Variants in TOMM70 observed in about 807,000 individuals in gnomAD.
TOMM70 encodes the protein translocase of outer mitochondrial membrane 70, also known as mitochondrial import receptor subunit TOM70.
A neutral mutation model predicts 73.6 loss-of-function variants in TOMM70; 13 were observed. The ratio of observed to expected loss-of-function variants is 0.18; its 90% CI spans 0.11 to 0.28. The LOEUF (loss-of-function observed/expected upper bound fraction) is 0.28, where lower values mean the gene tolerates loss of function less well. Among genes scored for constraint, TOMM70 ranks in the 10% least tolerant of loss-of-function variants. The pLI is 1.00. For synonymous variants in TOMM70, 257 were observed against 271.2 expected, an observed-to-expected ratio of 0.95 and a Z score of 0.51; for missense variants, 609 against 747.5, an observed-to-expected ratio of 0.81 and a Z score of 2.16.
Position 100,381,686 on chromosome 3 carries a change from C to A in TOMM70, c.813G>T (p.Gln271His), listed in dbSNP as rs1559832699. ...CAGATTTCTCTCCTTTAAGCATGGG[C>A]TGGGAAATGATATCATCCGTGAAAG... ...FSSFTDDIISQPMLKGEKSDE... is the reference protein window; with the variant it reads ...FSSFTDDIISHPMLKGEKSDE... Residue 271 changes from glutamine (Q) to histidine (H), a missense_variant, in exon 5 of 12, where the codon CAG becomes CAT. By Grantham distance (24) the Gln-to-His change is conservative. Around this residue, in one of 2 missense-constraint regions of TOMM70, gnomAD observed 432 missense variants for 584.1 expected, o/e 0.74. Coordinates refer to ENST00000284320, the MANE Select transcript of TOMM70 (RefSeq NM_014820.5). 6.2e-7 allele frequency: 1 copy of A among 1,612,730 alleles called. No homozygotes were observed. Among genetic ancestry groups the A allele is most frequent in the Admixed American group, 1.7e-5 (1 of 59,916 alleles).
chr3:100,400,956 T>C lies in TOMM70; in HGVS notation c.-7A>G, dbSNP rs1372285289. The C allele has an allele frequency of 4.6e-6, 7 of 1,528,080 alleles. No homozygotes were observed. The highest frequency in any genetic ancestry group is 6.1e-6 in the Non-Finnish European group (7 of 1,143,898). The allele number at this position is 1,528,080 out of a possible 1,614,324, so 94.7% of individuals were successfully genotyped here. A position where few individuals can be genotyped will look rare whatever the true frequency, so the allele number is the denominator to read the frequency against. ...CAGGTTTAGAGGCGGCCATGACAAGTGTCCTCTGCCACCGCCTCCCTGTCT... is the reference window on the plus strand; with the variant it reads ...CAGGTTTAGAGGCGGCCATGACAAGCGTCCTCTGCCACCGCCTCCCTGTCT... On this transcript the variant is annotated 5_prime_UTR_variant, in exon 1 of 12. Transcript: ENST00000284320.
At chr3:100,397,250 C>T (rs541030565) in intron 1 of TOMM70, among the ~76,000 whole-genome samples, 1 of 152,282 alleles carries the variant, frequency 6.6e-6, no homozygotes, top group South Asian at 2.1e-4. Flanking sequence ...ATTACAATTA[C>T]TGATCAATTA....
chr3:100,382,428 G>T (rs1487495538), intron 4 of TOMM70, among the ~76,000 whole-genome samples: 1 of 152,146 alleles, frequency 6.6e-6, no homozygotes, highest in Non-Finnish European at 1.5e-5. Flanking sequence ...ATAAAAGTGG[G>T]ATAGAAAGAG....
At chr3:100,370,939 C>A (rs1174173371) in intron 9 of TOMM70, among the ~76,000 whole-genome samples, 1 of 152,132 alleles carries the variant, frequency 6.6e-6, no homozygotes, top group African/African-American at 2.4e-5. Flanking sequence ...GAAATCTGCA[C>A]CAAAAAAGCC....
chr3:100,363,518 A>G lies in TOMM70; in HGVS notation c.*2046T>C, dbSNP rs374756198. On this transcript the variant is annotated 3_prime_UTR_variant, in exon 12 of 12. Coordinates refer to ENST00000284320, the MANE Select transcript of TOMM70 (RefSeq NM_014820.5). ...ATGTGAGGTCATTTACAAAAGAAAGATACAGACAGATGCAGCTTTCAGTGC... is the reference window on the plus strand; with the variant it reads ...ATGTGAGGTCATTTACAAAAGAAAGGTACAGACAGATGCAGCTTTCAGTGC... 1 of 152,664 alleles carries G rather than the reference A, an allele frequency of 6.6e-6. No individual in the cohort carries two copies. Among genetic ancestry groups the G allele is most frequent in the Admixed American group, 6.5e-5 (1 of 15,288 alleles). The allele number at this position is 152,664 out of a possible 1,614,324, so 9.5% of individuals were successfully genotyped here.
At chr3:100,372,321 C>G in intron 9 of TOMM70, 1 of 281,740 alleles carries the variant, frequency 3.5e-6, no homozygotes, top group Non-Finnish European at 6.5e-6. Flanking sequence ...GGTAAATTTT[C>G]CTAAGGTAAT....
intron 10 of TOMM70, 40 bp downstream of exon 10, chr3:100,368,997 GA>G (rs756865737): frequency 6.9e-7 from 1 of 1,448,994 alleles, no homozygotes; most frequent in Admixed American, 1.9e-5. Context: ...TACTATGCAA[GA>G]AATTTATTAT....
chr3:100,373,358 C>T (rs866263800), intron 8 of TOMM70, among the ~76,000 whole-genome samples, 180 bp downstream of exon 8: 2 of 152,082 alleles, frequency 1.3e-5, no homozygotes, highest in Non-Finnish European at 2.9e-5. Context: ...TCAAGATGAA[C>T]CCAAACAAAT....
At chr3:100,392,829 A>G (rs2148894392) in intron 1 of TOMM70, among the ~76,000 whole-genome samples, 1 of 152,330 alleles carries the variant, frequency 6.6e-6, no homozygotes, top group African/African-American at 2.4e-5. Context: ...AAGTCATTAT[A>G]TCAAAAAGAC....
Position 100,386,291 on chromosome 3 carries a change from G to A in TOMM70, c.552C>T (p.Pro184=). 6.2e-7 allele frequency: 1 copy of A among 1,613,034 alleles called. No individual in the cohort carries two copies. Among genetic ancestry groups the A allele is most frequent in the South Asian group, 1.1e-5 (1 of 90,946 alleles). ...QDCTKAVELN[P]KYVKALFRRA... is the part of the protein sequence containing the mutation. Reference sequence around the variant, plus strand: ...GTCTAAAGAGAGCTTTCACATATTTGGGATTAAGTTCAACAGCTTTTGTAC... The same window carrying A: ...GTCTAAAGAGAGCTTTCACATATTTAGGATTAAGTTCAACAGCTTTTGTAC... Residue 184 remains proline (P), a synonymous_variant, in exon 3 of 12, where the codon CCC becomes CCT. Coordinates refer to ENST00000284320, the MANE Select transcript of TOMM70 (RefSeq NM_014820.5).
intron 1 of TOMM70, among the ~76,000 whole-genome samples, chr3:100,388,777 G>T (rs1374975706): frequency 6.6e-6 from 1 of 152,056 alleles, no homozygotes; most frequent in African/African-American, 2.4e-5. Flanking sequence ...ATTAAAAGAG[G>T]TTGCTTTTAA....
chr3:100,374,746 AACCAGAAAC>A (rs1482339564), intron 7 of TOMM70, among the ~76,000 whole-genome samples: 7 of 152,194 alleles, frequency 4.6e-5, no homozygotes. Context: ...GAAACCTATG[AACCAGAAAC>A]ACCAGAAAAA....
chr3:100,388,582 G>A (rs1451861878), intron 1 of TOMM70, among the ~76,000 whole-genome samples: 1 of 151,946 alleles, frequency 6.6e-6, no homozygotes, highest in African/African-American at 2.4e-5. Flanking sequence ...ACAGTGACAG[G>A]GCATACCATA....
chr3:100,373,687 A>C, intron 7 of TOMM70, 42 bp from the exon 8 acceptor site: 10 of 597,310 alleles, frequency 1.7e-5, no homozygotes, highest in Non-Finnish European at 2.5e-5. Context: ...CAACTAGTCC[A>C]GTTAAGTATG....
chr3:100,368,391 AC>A (rs1431242232), intron 10 of TOMM70, among the ~76,000 whole-genome samples: 1 of 152,170 alleles, frequency 6.6e-6, no homozygotes, highest in Non-Finnish European at 1.5e-5. Flanking sequence ...AGGCTCTATT[AC>A]CAATCTTGCA....
chr3:100,366,446 A>T (rs537406639), intron 11 of TOMM70, among the ~76,000 whole-genome samples: 5 of 152,250 alleles, frequency 3.3e-5, no homozygotes, highest in African/African-American at 4.8e-5. Flanking sequence ...TCTAACTGGC[A>T]TACATGTTAG....
intron 1 of TOMM70, among the ~76,000 whole-genome samples, chr3:100,390,550 G>A (rs1346365250): frequency 6.6e-6 from 1 of 152,198 alleles, no homozygotes; most frequent in East Asian, 1.9e-4. Context: ...TATTGGGGCC[G>A]GGTGCAGTGG....
intron 4 of TOMM70, among the ~76,000 whole-genome samples, chr3:100,382,707 C>T (rs528648008): frequency 3.2e-4 from 48 of 152,238 alleles, no homozygotes; most frequent in African/African-American, 1.1e-3. Context: ...TTTTTAGTTT[C>T]CTGTTTCAGC....
chr3:100,370,509 A>G (rs1346728515), intron 9 of TOMM70, among the ~76,000 whole-genome samples: 1 of 152,168 alleles, frequency 6.6e-6, no homozygotes, highest in Non-Finnish European at 1.5e-5. Context: ...GCTATAATCA[A>G]CTTTTTAAGA....
Sources: gnomAD v4.1 joint callset for allele counts (sites outside exome capture counted in the v4.1 genomes callset) on GRCh38, gnomAD v4.1.1 for gene constraint, gnomAD v4.1.1 regional missense constraint, MANE v1.5 for transcripts, NCBI Gene and HGNC (gene_info 2026-07-23, HGNC 2026-07-21) for gene names.